PKHD1: variants seen among roughly 807,000 people sequenced by gnomAD.
PKHD1 encodes the protein fibrocystin.
A neutral mutation model predicts 412.0 loss-of-function variants in PKHD1; 291 were observed. The ratio of observed to expected loss-of-function variants is 0.71; its 90% CI spans 0.64 to 0.78. The LOEUF is 0.78. Ranked by LOEUF, PKHD1 falls within the 30% of genes least tolerant of loss-of-function variation. The probability of loss-of-function intolerance (pLI) is 0.00; values close to 1 mark genes in which losing one functional copy is unlikely to be tolerated. For missense variants in PKHD1, 4,825 were observed against 4,950.7 expected (o/e 0.97, Z 0.76); for synonymous variants, 1,777 against 1,821.5 (o/e 0.98, Z 0.62).
In PKHD1 at chr6:51,682,168, G is replaced by A. The variant is rs150052852; in HGVS notation, c.10157-22199C>T. ...TATTCTTAGATGCATCTTTTCCTCC[G>A]AACATATATACTATCTCCTGCTTCA... On this transcript the variant is annotated intron_variant, in intron 60 of 66. Transcript: ENST00000371117. 4.5e-3 allele frequency: 2,050 copies of A among 450,988 alleles called. 51 individuals are homozygous for A. The highest frequency in any genetic ancestry group is 0.012 in the East Asian group (172 of 14,324). The allele number at this position is 450,988 out of a possible 1,614,324, so 27.9% of individuals were successfully genotyped here. A position where few individuals can be genotyped will look rare whatever the true frequency, so the allele number is the denominator to read the frequency against.
chr6:51,950,220 A>AAT lies in PKHD1; in HGVS notation c.5908+9648_5908+9649dup, dbSNP rs1333126139. On this transcript the variant is annotated intron_variant, in intron 36 of 66. Transcript: ENST00000371117. ...AATGGGCAATATAGAGAAAAAAAAAAATATATATATATATATATATGAAAT... is the reference window on the plus strand; with the variant it reads ...AATGGGCAATATAGAGAAAAAAAAAAATATATATATATATATATATATGAAAT... Among the ~76,000 whole-genome samples the AAT allele has an allele frequency of 6.8e-4, 67 of 98,292 alleles. 1 individual carries two copies. Among genetic ancestry groups the AAT allele is most frequent in the East Asian group, 3.2e-3 (6 of 1,848 alleles). The allele number at this position is 98,292 out of a possible 152,430, so 64.5% of individuals were successfully genotyped here. A position where few individuals can be genotyped will look rare whatever the true frequency, so the allele number is the denominator to read the frequency against.
At chr6:52,013,633 T>C (rs977126832) in intron 34 of PKHD1, among the ~76,000 whole-genome samples, 1 of 149,788 alleles carries the variant, frequency 6.7e-6, no homozygotes, top group African/African-American at 2.6e-5. Context: ...TCAATATATG[T>C]ACAGATACAG....
At chr6:51,717,561 T>C (rs1427917336) in intron 60 of PKHD1, among the ~76,000 whole-genome samples, 1 of 152,198 alleles carries the variant, frequency 6.6e-6, no homozygotes, top group African/African-American at 2.4e-5. Context: ...TACAGTAATA[T>C]GCTGTGGTGC....
intron 46 of PKHD1, among the ~76,000 whole-genome samples, chr6:51,873,633 G>C (rs535279628): frequency 1.3e-5 from 2 of 152,256 alleles, no homozygotes; most frequent in African/African-American, 2.4e-5. Context: ...ACAAATACTA[G>C]AGAAAGGTAA....
At chr6:52,038,836 T>C (rs770429405) in intron 27 of PKHD1, among the ~76,000 whole-genome samples, 6 of 152,176 alleles carry the variant, frequency 3.9e-5, no homozygotes, top group Non-Finnish European at 8.8e-5. Flanking sequence ...GGCAATAGTT[T>C]CTTAGATGTG....
At chr6:51,894,016 G>A (rs1367038851) in intron 43 of PKHD1, among the ~76,000 whole-genome samples, 1 of 152,218 alleles carries the variant, frequency 6.6e-6, no homozygotes, top group Non-Finnish European at 1.5e-5. Flanking sequence ...CTCTGGAAGT[G>A]AACAGTCCCT....
At chr6:51,722,276 A>G (rs1246776479) in intron 60 of PKHD1, among the ~76,000 whole-genome samples, 1 of 152,130 alleles carries the variant, frequency 6.6e-6, no homozygotes, top group African/African-American at 2.4e-5. Context: ...ATTGCTTTAT[A>G]TTACAGTTGG....
intron 43 of PKHD1, 60 bp downstream of exon 43, chr6:51,903,537 T>C (rs1423933239): frequency 1.3e-5 from 19 of 1,517,506 alleles, no homozygotes; most frequent in East Asian, 2.3e-5. Flanking sequence ...ACACCCCTGA[T>C]TGAGAAAGAA....
intron 43 of PKHD1, among the ~76,000 whole-genome samples, chr6:51,894,215 G>A (rs922615930): frequency 6.6e-6 from 1 of 152,196 alleles, no homozygotes. Flanking sequence ...AGCTACAGGT[G>A]ATACACAAAA....
chr6:51,784,558 T>C (rs944094450), intron 53 of PKHD1, among the ~76,000 whole-genome samples: 1 of 152,222 alleles, frequency 6.6e-6, no homozygotes, highest in Admixed American at 6.6e-5. Flanking sequence ...GGAATTTCCA[T>C]ATTTATGAAG....
At position 51,648,123 on chromosome 6, in the gene PKHD1, AAATGGG is replaced by A; in HGVS notation, c.11311-11_11311-6del. 1 of 1,533,106 alleles carries A rather than the reference AAATGGG, an allele frequency of 6.5e-7. No homozygotes were observed. The highest frequency in any genetic ancestry group is 9.0e-7 in the Non-Finnish European group (1 of 1,105,980). 95.0% of individuals were successfully genotyped at this position (1,533,106 alleles called of 1,614,324 possible). A position where few individuals can be genotyped will look rare whatever the true frequency, so the allele number is the denominator to read the frequency against. ...CAGGGACTCTACTCTTCGATTCTAG[AAATGGG>A]AATAGGAGGAGGGAGGAAGAAAAAG... On this transcript the variant is annotated splice_region_variant and splice_polypyrimidine_tract_variant and intron_variant, in intron 62 of 66. Coordinates refer to ENST00000371117, the MANE Select transcript of PKHD1 (RefSeq NM_138694.4).
At chr6:51,667,845 C>A (rs1462100875) in intron 60 of PKHD1, among the ~76,000 whole-genome samples, 214 of 151,046 alleles carry the variant, frequency 1.4e-3, no homozygotes, top group Non-Finnish European at 1.4e-3. Flanking sequence ...TGTCAAAGAT[C>A]AGATAGTTGT....
intron 35 of PKHD1, among the ~76,000 whole-genome samples, chr6:51,961,295 A>G (rs1791987186): frequency 6.6e-6 from 1 of 152,156 alleles, no homozygotes; most frequent in Non-Finnish European, 1.5e-5. Flanking sequence ...TACAAACCCC[A>G]AGGTCAACAG....
At chr6:51,674,736 C>A (rs1775564685) in intron 60 of PKHD1, among the ~76,000 whole-genome samples, 2 of 152,164 alleles carry the variant, frequency 1.3e-5, no homozygotes, top group South Asian at 4.1e-4. Flanking sequence ...TCTCTCTGCA[C>A]AATTTATTGA....
chr6:51,761,807 T>C (rs1788063240), intron 55 of PKHD1, among the ~76,000 whole-genome samples: 1 of 151,192 alleles, frequency 6.6e-6, no homozygotes, highest in African/African-American at 2.4e-5. Context: ...TTATATATTT[T>C]CTTGAAAATT....
chr6:51,682,648 A>T (rs2150572698), intron 60 of PKHD1, among the ~76,000 whole-genome samples: 1 of 152,162 alleles, frequency 6.6e-6, no homozygotes, highest in Admixed American at 6.5e-5. Flanking sequence ...TTGAGTGAAC[A>T]GCTTGCCTCT....
chr6:51,935,633 A>G (rs1474920697), intron 36 of PKHD1, among the ~76,000 whole-genome samples: 1 of 152,174 alleles, frequency 6.6e-6, no homozygotes, highest in African/African-American at 2.4e-5. Flanking sequence ...ACATTGGGCT[A>G]CAAAAGGTCC....
chr6:52,056,033 T>C (rs897510600), intron 18 of PKHD1, among the ~76,000 whole-genome samples: 4 of 152,172 alleles, frequency 2.6e-5, no homozygotes, highest in Non-Finnish European at 5.9e-5. Context: ...TTCTTTGTTG[T>C]AGGGGCTGTC....
At chr6:51,988,021 C>CAT (rs1313975603) in intron 35 of PKHD1, among the ~76,000 whole-genome samples, 2 of 152,182 alleles carry the variant, frequency 1.3e-5, no homozygotes, top group African/African-American at 4.8e-5. Flanking sequence ...CAGTGCCTGA[C>CAT]ATATAACAGG....
Sources: allele counts gnomAD v4.1 joint callset (sites outside exome capture counted in the v4.1 genomes callset), GRCh38; gene constraint gnomAD v4.1.1; transcripts MANE v1.5; gene names NCBI Gene and HGNC (gene_info 2026-07-23, HGNC 2026-07-21).